KCTD5: variants seen among roughly 807,000 people sequenced by gnomAD.
KCTD5 encodes the protein potassium channel tetramerization domain containing 5.
KCTD5 carries 12 observed loss-of-function variants against 27.9 expected under a neutral mutation model. That is an observed-to-expected ratio of 0.43 (90% confidence interval 0.28 to 0.70). The LOEUF is 0.70. Ranked by LOEUF, KCTD5 falls within the 30% of genes least tolerant of loss-of-function variation. KCTD5 has a pLI of 0.19. For missense variants in KCTD5, 226 were observed against 274.8 expected, an observed-to-expected ratio of 0.82 and a Z score of 1.26; for synonymous variants, 147 against 121.4, an observed-to-expected ratio of 1.21 and a Z score of -1.39.
chr16:2,702,685 A>T (rs2067617750), intron 5 of KCTD5, among the ~76,000 whole-genome samples: 1 of 152,026 alleles, frequency 6.6e-6, no homozygotes, highest in Admixed American at 6.5e-5. Context: ...CCCAGCCTGC[A>T]TGCAGAGCTG....
At chr16:2,702,573 C>T in intron 5 of KCTD5, 95 bp downstream of exon 5, 1 of 1,486,658 alleles carries the variant, frequency 6.7e-7, no homozygotes, top group Non-Finnish European at 9.0e-7. Flanking sequence ...TCTCATCAAG[C>T]TCCCGGTGTC....
chr16:2,702,272 G>A (rs755192616), intron 4 of KCTD5, 81 bp from the exon 5 acceptor site: 35 of 1,566,262 alleles, frequency 2.2e-5, no homozygotes, highest in Non-Finnish European at 2.9e-5. Context: ...GGTGGCAGGC[G>A]CGTCCTGAGG....
intron 1 of KCTD5, among the ~76,000 whole-genome samples, chr16:2,686,871 C>T (rs67187827): frequency 0.21 from 32,008 of 151,838 alleles, 4,309 homozygotes; most frequent in Admixed American, 0.36. Context: ...AAGTGGGGAT[C>T]ACGTCTAGTG....
At chr16:2,699,449 G>A (rs918964564) in intron 3 of KCTD5, 3 of 359,456 alleles carry the variant, frequency 8.3e-6, no homozygotes, top group South Asian at 2.1e-5. Context: ...GGCTCTCAGG[G>A]CCCTGCTTGC....
chr16:2,697,296 C>G (rs1356242010), intron 2 of KCTD5: 3 of 152,906 alleles, frequency 2.0e-5, no homozygotes, highest in Admixed American at 6.5e-5. Flanking sequence ...GCTCTTAAGG[C>G]TCTTAAGGGA....
chr16:2,705,072 C>T (rs760802215), intron 5 of KCTD5, among the ~76,000 whole-genome samples: 8 of 152,230 alleles, frequency 5.3e-5, no homozygotes, highest in East Asian at 1.9e-4. Context: ...GCCCGGGGCA[C>T]CCGCCCACCC....
chr16:2,699,806 C>G lies in KCTD5; in HGVS notation c.454-15C>G, dbSNP rs1482190915. The stretch of plus-strand genomic sequence containing the variant: ...ATGGGTGGCCCGCCCTTACCTGTGC[C>G]CATTGTCCTTGCAGGTGCCTGTGAA... On this transcript the variant is annotated splice_polypyrimidine_tract_variant and intron_variant, in intron 3 of 5. Transcript: ENST00000301738. 1 of 1,612,178 alleles carries G rather than the reference C, an allele frequency of 6.2e-7. No individual in the cohort carries two copies. Among genetic ancestry groups the G allele is most frequent in the Non-Finnish European group, 8.5e-7 (1 of 1,179,076 alleles).
chr16:2,695,199 AG>A (rs913300247), intron 1 of KCTD5, among the ~76,000 whole-genome samples: 9 of 61,654 alleles, frequency 1.5e-4, no homozygotes, highest in African/African-American at 4.5e-4. Flanking sequence ...TGGTAGCAGC[AG>A]GGGCAGTGCC....
chr16:2,701,462 C>T (rs1463208158), intron 4 of KCTD5, among the ~76,000 whole-genome samples: 1 of 152,150 alleles, frequency 6.6e-6, no homozygotes, highest in African/African-American at 2.4e-5. Context: ...ACAGGGGCTC[C>T]GGGGGGCATG....
intron 1 of KCTD5, among the ~76,000 whole-genome samples, chr16:2,688,381 G>T (rs568813570): frequency 6.6e-6 from 1 of 151,724 alleles, no homozygotes; most frequent in African/African-American, 2.4e-5. Flanking sequence ...CTCCCAAGTA[G>T]CTGGGATTAC....
At chr16:2,699,421 C>T (rs963346934) in intron 3 of KCTD5, 2 of 358,198 alleles carry the variant, frequency 5.6e-6, no homozygotes, top group Non-Finnish European at 1.1e-5. Flanking sequence ...TAGCTGGGAG[C>T]GAGCTTCGTC....
rs774951443 is a variant in KCTD5 at position 2,682,546 on chromosome 16, A to T, written c.-3A>T. ...GGGAGCTGTTGCGGGGCTTGCTGGG[A>T]TCATGGCGGAGAATCACTGCGAGCT... On this transcript the variant is annotated 5_prime_UTR_variant, in exon 1 of 6. Transcript: ENST00000301738. 4 of 1,405,168 alleles carry T rather than the reference A, an allele frequency of 2.8e-6. No homozygotes were observed. The highest frequency in any genetic ancestry group is 3.7e-6 in the Non-Finnish European group (4 of 1,082,750). The allele number at this position is 1,405,168 out of a possible 1,614,324, so 87.0% of individuals were successfully genotyped here. A position where few individuals can be genotyped will look rare whatever the true frequency, so the allele number is the denominator to read the frequency against.
In KCTD5 at chr16:2,707,728, A is replaced by G. The variant is rs1310978774; in HGVS notation, c.*401A>G. ...GGCAGGAAGCGGCCGCAGCCGCGTC[A>G]GTGTCCAGCACGTCGTGGCCTCTGG... On this transcript the variant is annotated 3_prime_UTR_variant, in exon 6 of 6. Transcript: ENST00000301738. 2 of 482,776 alleles carry G rather than the reference A, an allele frequency of 4.1e-6. No individual in the cohort carries two copies. The allele number at this position is 482,776 out of a possible 1,614,324, so 29.9% of individuals were successfully genotyped here. A position where few individuals can be genotyped will look rare whatever the true frequency, so the allele number is the denominator to read the frequency against.
intron 5 of KCTD5, among the ~76,000 whole-genome samples, chr16:2,705,855 C>T (rs1480358740): frequency 4.6e-5 from 7 of 152,200 alleles, no homozygotes; most frequent in African/African-American, 1.4e-4. Flanking sequence ...CGAAGGACAG[C>T]ACTTTGGCTG....
At chr16:2,686,639 T>G (rs551906255) in intron 1 of KCTD5, among the ~76,000 whole-genome samples, 16 of 96,580 alleles carry the variant, frequency 1.7e-4, no homozygotes, top group African/African-American at 6.8e-4. Flanking sequence ...AAACTGCACG[T>G]GAACTTTTGC....
chr16:2,699,404 T>C (rs1596224459), intron 3 of KCTD5: 3 of 357,914 alleles, frequency 8.4e-6, no homozygotes, highest in African/African-American at 2.1e-5. Context: ...CAAGAGCCTT[T>C]TTCTGGTAGC....
chr16:2,690,293 C>T (rs761486276), intron 1 of KCTD5, among the ~76,000 whole-genome samples: 5 of 152,234 alleles, frequency 3.3e-5, no homozygotes, highest in African/African-American at 4.8e-5. Flanking sequence ...CATGTGCTCC[C>T]GTGGCCAGGG....
chr16:2,698,587 G>C (rs771311126), intron 3 of KCTD5, among the ~76,000 whole-genome samples: 3 of 152,162 alleles, frequency 2.0e-5, no homozygotes, highest in Non-Finnish European at 4.4e-5. Context: ...CCTGAGAGCT[G>C]AGCCCGCCCC....
intron 5 of KCTD5, among the ~76,000 whole-genome samples, chr16:2,703,404 G>T (rs2142059237): frequency 6.6e-6 from 1 of 152,228 alleles, no homozygotes; most frequent in South Asian, 2.1e-4. Flanking sequence ...TGGGGCGAAG[G>T]CTCGGGGCAT....
Sources: allele counts gnomAD v4.1 joint callset (sites outside exome capture counted in the v4.1 genomes callset), GRCh38; gene constraint gnomAD v4.1.1; transcripts MANE v1.5; gene names NCBI Gene and HGNC (gene_info 2026-07-23, HGNC 2026-07-21).